DMD: variants seen among roughly 807,000 people sequenced by gnomAD.
DMD encodes the protein dystrophin, also known as mutant dystrophin.
In DMD, 63 loss-of-function variants were observed where a neutral mutation model predicts 330.1. The observed-to-expected ratio is 0.19, with a 90% CI of 0.16 to 0.24. DMD has a LOEUF of 0.24. Among genes scored for constraint, DMD ranks in the 10% least tolerant of loss-of-function variants. The pLI, the probability that DMD is intolerant of heterozygous loss-of-function variation, is 1.00. For missense variants in DMD, 3,344 were observed against 2,684.1 expected (o/e 1.25, Z -5.43); for synonymous variants, 1,223 against 959.8 (o/e 1.27, Z -5.07).
At chrX:32,940,982 A>C (rs752971987) in intron 2 of DMD, among the ~76,000 whole-genome samples, 40 of 112,022 alleles carry the variant, frequency 3.6e-4, no homozygotes, top group African/African-American at 1.3e-3. Context: ...ATCAAAAAAC[A>C]GGCAAAGGGC....
intron 55 of DMD, among the ~76,000 whole-genome samples, chrX:31,512,268 C>T (rs2071694389): frequency 9.2e-6 from 1 of 108,213 alleles, no homozygotes; most frequent in Non-Finnish European, 1.9e-5. Flanking sequence ...CGAAAATTTT[C>T]TCCCATGTTG....
chrX:33,192,066 A>G (rs1307955918), intron 1 of DMD, among the ~76,000 whole-genome samples: 1 of 112,083 alleles, frequency 8.9e-6, no homozygotes, highest in African/African-American at 3.2e-5. Flanking sequence ...TACCCTGGGA[A>G]TTCAGAGGAA....
At chrX:32,085,648 A>ACATATATACATATATATATACGCG (rs1360350380) in intron 44 of DMD, among the ~76,000 whole-genome samples, 3 of 71,624 alleles carry the variant, frequency 4.2e-5, no homozygotes, top group African/African-American at 1.6e-4. Context: ...ACGTATATAT[A>ACATATATACATATATATATACGCG]TGTGTGTATA....
chrX:33,016,057 G>T (rs1158449057), intron 2 of DMD, among the ~76,000 whole-genome samples: 1 of 109,907 alleles, frequency 9.1e-6, no homozygotes, highest in African/African-American at 3.3e-5. Flanking sequence ...GGGCCTTGAA[G>T]CATGACAAGA....
chrX:32,544,134 G>C (rs1169139422), intron 17 of DMD, among the ~76,000 whole-genome samples: 1 of 111,981 alleles, frequency 8.9e-6, no homozygotes, highest in African/African-American at 3.2e-5. Flanking sequence ...CCCTGGACTA[G>C]TGGATTTGCT....
chrX:32,757,144 T>C (rs1432049362), intron 7 of DMD, among the ~76,000 whole-genome samples: 1 of 111,787 alleles, frequency 8.9e-6, no homozygotes, highest in African/African-American at 3.2e-5. Flanking sequence ...ATCAAGCCAA[T>C]TGATATATCC....
At chrX:32,254,198 C>A (rs769487163) in intron 43 of DMD, among the ~76,000 whole-genome samples, 3 of 111,276 alleles carry the variant, frequency 2.7e-5, no homozygotes, top group African/African-American at 9.8e-5. Context: ...TGCGCCAACA[C>A]GCCTGGCCAA....
intron 63 of DMD, among the ~76,000 whole-genome samples, chrX:31,224,654 T>TA (rs72377234): frequency 7.3e-5 from 8 of 109,073 alleles, no homozygotes; most frequent in East Asian, 5.7e-4. Context: ...TTGCACAGAA[T>TA]AAAAAAAAAT....
intron 15 of DMD, among the ~76,000 whole-genome samples, chrX:32,569,093 T>G (rs1008761313): frequency 1.8e-5 from 2 of 111,360 alleles, no homozygotes; most frequent in Non-Finnish European, 3.8e-5. Context: ...AGACTTTATT[T>G]TTATAGAAGC....
At chrX:33,302,570 T>C (rs948713014) in intron 1 of DMD, among the ~76,000 whole-genome samples, 8 of 112,091 alleles carry the variant, frequency 7.1e-5, no homozygotes, top group Admixed American at 9.5e-5. Context: ...TTTCCATTTT[T>C]CTATAGTGGT....
chrX:32,517,062 A>T (rs938000438), intron 18 of DMD: 2 of 111,342 alleles, frequency 1.8e-5, no homozygotes, highest in East Asian at 5.6e-4. Context: ...AAAAGTTCCA[A>T]CCCCAACAGC....
At chrX:32,404,353 C>T (rs902065053) in intron 30 of DMD, among the ~76,000 whole-genome samples, 4 of 111,344 alleles carry the variant, frequency 3.6e-5, no homozygotes, top group Admixed American at 2.9e-4. Context: ...GAGCAAACCA[C>T]GGCAGTATTT....
At chrX:31,549,713 G>C (rs778835165) in intron 55 of DMD, among the ~76,000 whole-genome samples, 1 of 112,215 alleles carries the variant, frequency 8.9e-6, no homozygotes, top group Non-Finnish European at 1.9e-5. Context: ...AAGCTAAAAC[G>C]CATGATTTTA....
rs771268850 is a variant in DMD, at chrX:33,002,386, G to C, written c.93+17753C>G. 2.7e-5 allele frequency among the ~76,000 whole-genome samples: 3 copies of C among 111,087 alleles called. No homozygotes were observed. In the East Asian group the frequency reaches 8.6e-4, roughly 32 times the overall value. On this transcript the variant is annotated intron_variant, in intron 2 of 78. Coordinates refer to ENST00000357033, the MANE Select transcript of DMD (RefSeq NM_004006.3). ...GCAGCGGCTCAAGTGCCCAGATAAA[G>C]AAAATCTTCTGGGGTCCAAATACCC...
At chrX:31,854,073 C>T (rs1277314923) in intron 48 of DMD, among the ~76,000 whole-genome samples, 3 of 112,201 alleles carry the variant, frequency 2.7e-5, no homozygotes, top group South Asian at 3.7e-4. Flanking sequence ...CCGATGCTAC[C>T]TTCCTGCTAA....
chrX:32,352,766 G>A (rs776087844), intron 37 of DMD, among the ~76,000 whole-genome samples: 24 of 110,737 alleles, frequency 2.2e-4, no homozygotes, highest in East Asian at 8.5e-4. Flanking sequence ...GGCAGTCCTC[G>A]GGGTATAGGA....
At chrX:33,323,552 G>A in intron 1 of DMD, among the ~76,000 whole-genome samples, 2 of 111,527 alleles carry the variant, frequency 1.8e-5, no homozygotes, top group Admixed American at 1.9e-4. Context: ...CATTCAAGAT[G>A]TCTACACCTT....
chrX:31,659,639 GAAAAAAAAAAA>G (rs869195395), intron 53 of DMD, among the ~76,000 whole-genome samples: 254 of 39,969 alleles, frequency 6.4e-3, no homozygotes, highest in Admixed American at 0.016. Flanking sequence ...CTCCATCTCG[GAAAAAAAAAAA>G]AAAAAAAAAA....
chrX:32,443,513 G>A (rs12559442), intron 27 of DMD, among the ~76,000 whole-genome samples: 5,239 of 110,656 alleles, frequency 0.047, 166 homozygotes, highest in Admixed American at 0.13. Context: ...TTAAATACCC[G>A]AGGGTACCTT....
Sources: allele counts gnomAD v4.1 joint callset (sites outside exome capture counted in the v4.1 genomes callset), GRCh38; gene constraint gnomAD v4.1.1; transcripts MANE v1.5; gene names NCBI Gene and HGNC (gene_info 2026-07-23, HGNC 2026-07-21).